TNK2: variants seen among roughly 807,000 people sequenced by gnomAD.
The protein encoded by TNK2 is tyrosine kinase non receptor 2.
TNK2 carries 83 observed loss-of-function variants against 101.8 expected under a neutral mutation model. The observed-to-expected ratio is 0.82, with a 90% CI of 0.68 to 0.98. The LOEUF (loss-of-function observed/expected upper bound fraction) is 0.98, where lower values mean the gene tolerates loss of function less well. Ranked by LOEUF, TNK2 falls within the 50% of genes least tolerant of loss-of-function variation. The pLI is 0.00. For synonymous variants in TNK2, 804 were observed against 633.0 expected (o/e 1.27, Z -4.06); for missense variants, 1,665 against 1,483.2 (o/e 1.12, Z -2.01).
chr3:195,866,838 G>T, intron 15 of TNK2, 51 bp downstream of exon 15: 1 of 1,586,308 alleles, frequency 6.3e-7, no homozygotes, highest in East Asian at 2.3e-5. Context: ...GGCAGGCTCT[G>T]GGACAGCCCT....
intron 1 of TNK2, among the ~76,000 whole-genome samples, chr3:195,892,965 A>C (rs1349339575): frequency 6.6e-6 from 1 of 151,740 alleles, no homozygotes; most frequent in African/African-American, 2.4e-5. Context: ...GCCTCCCCAT[A>C]CACAAAGCTC....
At chr3:195,898,125 T>C (rs924635246) in intron 1 of TNK2, among the ~76,000 whole-genome samples, 4 of 151,838 alleles carry the variant, frequency 2.6e-5, no homozygotes, top group East Asian at 3.9e-4. Context: ...GCTGAAAACA[T>C]CACAAGCCAA....
chr3:195,867,568 G>C lies in TNK2; in HGVS notation c.2730C>G (p.Pro910=), dbSNP rs1382307711. The C allele has an allele frequency of 1.3e-6, 2 of 1,575,692 alleles. No homozygotes were observed. Among genetic ancestry groups the C allele is most frequent in the South Asian group, 2.3e-5 (2 of 88,118 alleles). ...CGGCGGGGGCTGGGGTGCTGGGTGG[G>C]GGCAGCAGCAGAGGCACAGGCAGGG... The part of the protein sequence containing the change: ...PTPLPVPLLL[P]PPSTPAPAAP... The change falls in exon 13 of 16, where the codon CCC becomes CCG. Residue 910 remains proline, a synonymous_variant. Coordinates refer to ENST00000672887, the MANE Select transcript of TNK2 (RefSeq NM_001382273.1).
intron 14 of TNK2, 69 bp downstream of exon 14, chr3:195,867,100 T>C (rs2149205297): frequency 1.2e-6 from 2 of 1,606,812 alleles, no homozygotes; most frequent in East Asian, 2.2e-5. Context: ...CCAGGGGGCG[T>C]GGGGCTGGGG....
At position 195,872,254 on chromosome 3, in the gene TNK2, T is replaced by C. The variant is rs760164414; in HGVS notation, c.1451+22A>G. ...AGTCCCGAGCGGGGCCAGGTCAGCA[T>C]CCATCCCCGCCCAGTACTCACTCGT... On this transcript the variant is annotated intron_variant, in intron 10 of 15. Coordinates refer to ENST00000672887, the MANE Select transcript of TNK2 (RefSeq NM_001382273.1). 5.0e-6 allele frequency: 8 copies of C among 1,612,502 alleles called. No individual in the cohort carries two copies. The African/African-American group carries it at 9.3e-5, about 19-fold the overall frequency.
At position 195,868,432 on chromosome 3, in the gene TNK2, G is replaced by A. The variant is rs768822790; in HGVS notation, c.1866C>T (p.Ser622=). ...CSLLDETPPQ[S]PTRALPRPLH... ...GGGGCCGGGGCAGTGCCCGCGTGGG[G>A]CTCTGAGGCGGGGTCTCGTCCAGCA... Residue 622 remains serine, a synonymous_variant, in exon 13 of 16, where the codon AGC becomes AGT. Transcript: ENST00000672887. The A allele has an allele frequency of 6.4e-7, 1 of 1,568,152 alleles. No individual in the cohort carries two copies. Among genetic ancestry groups the A allele is most frequent in the South Asian group, 1.1e-5 (1 of 87,596 alleles).
At chr3:195,904,450 A>G (rs1761534292) in intron 1 of TNK2, among the ~76,000 whole-genome samples, 1 of 152,224 alleles carries the variant, frequency 6.6e-6, no homozygotes, top group Admixed American at 6.5e-5. Context: ...CAAACACTGT[A>G]AAATTCTACT....
At position 195,885,801 on chromosome 3, in the gene TNK2, CTCCACTGAGGCA is replaced by C; in HGVS notation, c.235-780_235-769del. The C allele has an allele frequency of 2.9e-6, 1 of 347,122 alleles. No homozygotes were observed. The allele number at this position is 347,122 out of a possible 1,614,324, so 21.5% of individuals were successfully genotyped here. On this transcript the variant is annotated intron_variant, in intron 3 of 15. Transcript: ENST00000672887. This position sits in a 1 kb window ranked among gnomAD's most constrained non-coding sequence, Gnocchi z 4.7. ...GCTGGCCACGTCGGTCTGACTCGGC[CTCCACTGAGGCA>C]CCCACAGCCTTGGCTCCAGATTGCA...
At chr3:195,895,331 G>A in intron 1 of TNK2, 3 of 1,570,836 alleles carry the variant, frequency 1.9e-6, no homozygotes, top group Non-Finnish European at 2.6e-6. Flanking sequence ...TGCGGTCAGG[G>A]AGAGAAGCAG....
rs1363706982 is a variant in TNK2, at chr3:195,869,486, G to A, written c.1588+11C>T. On this transcript the variant is annotated intron_variant, in intron 12 of 15. Transcript: ENST00000672887. ...GGCGGGGGCCAAGGCATCGGAAGCA[G>A]CCCCACTTACTCTGAGTGAAGAAGG... 2 of 1,550,366 alleles carry A rather than the reference G, an allele frequency of 1.3e-6. No individual in the cohort carries two copies. Among genetic ancestry groups the A allele is most frequent in the Non-Finnish European group, 1.7e-6 (2 of 1,146,818 alleles).
Position 195,886,901 on chromosome 3 carries a change from G to A in TNK2, c.234+76C>T, listed in dbSNP as rs1477542818. 6 of 1,524,544 alleles carry A rather than the reference G, an allele frequency of 3.9e-6. No individual in the cohort carries two copies. The highest frequency in any genetic ancestry group is 1.4e-5 in the African/African-American group (1 of 73,030). The allele number at this position is 1,524,544 out of a possible 1,614,324, so 94.4% of individuals were successfully genotyped here. On this transcript the variant is annotated intron_variant, in intron 3 of 15. Coordinates refer to ENST00000672887, the MANE Select transcript of TNK2 (RefSeq NM_001382273.1). This position sits in a 1 kb window ranked among gnomAD's most constrained non-coding sequence, Gnocchi z 4.2. ...TTCGACCTGCCGGGGAGCTGGGGAA[G>A]GTTCCCAGGACCAGAAGCGGAGGGG...
intron 11 of TNK2, 91 bp downstream of exon 11, chr3:195,870,023 A>G (rs1043898564): frequency 2.1e-5 from 22 of 1,049,410 alleles, no homozygotes; most frequent in Middle Eastern, 4.3e-4. Flanking sequence ...CCCCAAAAAC[A>G]GAACAGCAGC....
intron 1 of TNK2, among the ~76,000 whole-genome samples, chr3:195,906,895 G>A (rs780459394): frequency 2.6e-5 from 4 of 152,116 alleles, no homozygotes; most frequent in Non-Finnish European, 5.9e-5. Flanking sequence ...CCGGGGCTCC[G>A]GGGAGGTGGG....
intron 2 of TNK2, 78 bp from the exon 3 acceptor site, chr3:195,887,125 G>C (rs1355389584): frequency 6.1e-6 from 9 of 1,469,170 alleles, no homozygotes; most frequent in Non-Finnish European, 8.5e-6. Context: ...GTCCCCTTGG[G>C]GGTGAGCCTG....
intron 10 of TNK2, 118 bp downstream of exon 10, chr3:195,872,158 T>C: frequency 1.8e-6 from 2 of 1,116,448 alleles, no homozygotes; most frequent in Non-Finnish European, 2.4e-6. Context: ...GAGTGGCGGG[T>C]CGGGGGCTGA....
chr3:195,870,568 G>T (rs1007672754), intron 10 of TNK2, among the ~76,000 whole-genome samples: 1 of 152,244 alleles, frequency 6.6e-6, no homozygotes, highest in Non-Finnish European at 1.5e-5. Flanking sequence ...TAAGAACGGG[G>T]CATCCCAGCT....
intron 2 of TNK2, 148 bp from the exon 3 acceptor site, chr3:195,887,195 T>C (rs1225598675): frequency 1.6e-5 from 12 of 746,876 alleles, no homozygotes; most frequent in South Asian, 1.6e-4. Flanking sequence ...ACCCGGAGCC[T>C]CAACTGACCG....
At chr3:195,870,232 G>A in intron 10 of TNK2, 27 bp from the exon 11 acceptor site, 1 of 1,603,416 alleles carries the variant, frequency 6.2e-7, no homozygotes, top group Non-Finnish European at 8.5e-7. Context: ...TGGGTCAAGA[G>A]AGCAGGGGAA....
In TNK2 at chr3:195,900,886, G is replaced by A. The variant is rs547519206; in HGVS notation, c.-19+7599C>T. Among the ~76,000 whole-genome samples, 29 of 152,338 alleles carry A rather than the reference G, an allele frequency of 1.9e-4. No individual in the cohort carries two copies. In the East Asian group the frequency reaches 4.8e-3, roughly 25 times the overall value. On this transcript the variant is annotated intron_variant, in intron 1 of 15. Coordinates refer to ENST00000672887, the MANE Select transcript of TNK2 (RefSeq NM_001382273.1). Reference sequence around the variant, plus strand: ...CGTCATCCTGCCTGCTGCCAGCTCAGGCCATACCCCACCCCCAAGCCCTAC... The same window carrying A: ...CGTCATCCTGCCTGCTGCCAGCTCAAGCCATACCCCACCCCCAAGCCCTAC...
Sources: gnomAD v4.1 joint callset for allele counts (sites outside exome capture counted in the v4.1 genomes callset) on GRCh38, gnomAD v4.1.1 for gene constraint, Gnocchi (gnomAD v3.1) non-coding constraint, MANE v1.5 for transcripts, NCBI Gene and HGNC (gene_info 2026-07-23, HGNC 2026-07-21) for gene names.